The following GPR171 variants were observed in gnomAD, a reference collection of about 807,000 sequenced individuals.
GPR171 encodes F730001G15Rik.
In GPR171, 14 loss-of-function variants were observed where a neutral mutation model predicts 16.7. The ratio of observed to expected loss-of-function variants is 0.84; its 90% CI spans 0.55 to 1.31. The LOEUF (loss-of-function observed/expected upper bound fraction) is 1.31, where lower values mean the gene tolerates loss of function less well. Among genes scored for constraint, GPR171 ranks in the 40% most tolerant of loss-of-function variants. The pLI, the probability that GPR171 is intolerant of heterozygous loss-of-function variation, is 0.00. For synonymous variants in GPR171, 134 were observed against 135.6 expected (o/e 0.99, Z 0.08); for missense variants, 337 against 378.9 (o/e 0.89, Z 0.92).
chr3:151,198,619 A>G lies in GPR171; in HGVS notation c.768T>C (p.Asp256=), dbSNP rs1321283366. The change falls in exon 3 of 3, where the codon GAT becomes GAC. Residue 256 remains aspartate (D), a synonymous_variant. Coordinates refer to ENST00000309180, the MANE Select transcript of GPR171 (RefSeq NM_013308.4). ...TGAAGAGTGAAATCCTGGTTGAGCA[A>G]TCAGTTATGACTTCTGTCTGGCTGA... ...YTLSQTEVIT[D]CSTRISLFKA... 14 of 1,613,864 alleles carry G rather than the reference A, an allele frequency of 8.7e-6. No homozygotes were observed. The highest frequency in any genetic ancestry group is 5.5e-5 in the South Asian group (5 of 91,076).
At position 151,199,003 on chromosome 3, in the gene GPR171, G is replaced by A. The variant is rs769212562; in HGVS notation, c.384C>T (p.Pro128=). 36 of 1,613,898 alleles carry A rather than the reference G, an allele frequency of 2.2e-5. No homozygotes were observed. The highest frequency in any genetic ancestry group is 4.0e-5 in the African/African-American group (3 of 74,890). ...CGGTTGATATCATTTTGGCAAATCC[G>A]GGTTCTTGTATTCGGTAGATCTTGC... ...HSCKIYRIQE[P]GFAKMISTVV... The change falls in exon 3 of 3, where the codon CCC becomes CCT. Residue 128 remains proline (P), a synonymous_variant. Coordinates refer to ENST00000309180, the MANE Select transcript of GPR171 (RefSeq NM_013308.4).
intron 1 of GPR171, among the ~76,000 whole-genome samples, 159 bp downstream of exon 1, chr3:151,202,945 G>C (rs1725839985): frequency 6.6e-6 from 1 of 152,146 alleles, no homozygotes; most frequent in Non-Finnish European, 1.5e-5. Context: ...GAAAATTATA[G>C]TGTCATTCAC....
At position 151,198,509 on chromosome 3, in the gene GPR171, C is replaced by A. The variant is rs199881811; in HGVS notation, c.878G>T (p.Arg293Leu). ...ILYYHLSKAF[R>L]SKVTETFASP... Reference sequence around the variant, plus strand: ...GGCAAAAGTCTCAGTGACCTTTGAGCGGAATGCTTTTGAGAGGTGATAGTA... The same window carrying A: ...GGCAAAAGTCTCAGTGACCTTTGAGAGGAATGCTTTTGAGAGGTGATAGTA... Residue 293 changes from arginine to leucine, a missense_variant, in exon 3 of 3, where the codon CGC becomes CTC. By Grantham distance (102) the Arg-to-Leu change is moderately radical. Transcript: ENST00000309180. The A allele has an allele frequency of 6.2e-7, 1 of 1,613,284 alleles. No homozygotes were observed. Among genetic ancestry groups the A allele is most frequent in the Non-Finnish European group, 8.5e-7 (1 of 1,179,462 alleles).
In GPR171 at chr3:151,198,190, T is replaced by G. The variant is rs1270095489; in HGVS notation, c.*237A>C. On this transcript the variant is annotated 3_prime_UTR_variant, in exon 3 of 3. Coordinates refer to ENST00000309180, the MANE Select transcript of GPR171 (RefSeq NM_013308.4). ...ATTGCAGGATTTTACATTCGTTCAA[T>G]GAGACTCTTTAGTTTTTTGTACAAA... The G allele has an allele frequency of 2.7e-6, 1 of 365,672 alleles. No individual in the cohort carries two copies. Among genetic ancestry groups the G allele is most frequent in the African/African-American group, 2.1e-5 (1 of 48,138 alleles). The allele number at this position is 365,672 out of a possible 1,614,324, so 22.7% of individuals were successfully genotyped here.
At chr3:151,199,940 G>A (rs1361382542) in intron 2 of GPR171, among the ~76,000 whole-genome samples, 1 of 151,872 alleles carries the variant, frequency 6.6e-6, no homozygotes, top group Non-Finnish European at 1.5e-5. Flanking sequence ...TCTCCAGCCT[G>A]GTCGCAAGAG....
rs552956631 is a variant in GPR171 at position 151,202,595 on chromosome 3, G to A, written c.-143+509C>T. Among the ~76,000 whole-genome samples, 7 of 152,306 alleles carry A rather than the reference G, an allele frequency of 4.6e-5. No individual in the cohort carries two copies. The South Asian group carries it at 8.3e-4, about 18-fold the overall frequency. ...TGAGGCAGGAGAATTGTTTGAACCC[G>A]GGATGTGGAGGTTGAAGTGAGCTGA... On this transcript the variant is annotated intron_variant, in intron 1 of 2. Coordinates refer to ENST00000309180, the MANE Select transcript of GPR171 (RefSeq NM_013308.4).
rs1432339593 is a variant in GPR171, at chr3:151,198,411, C to CA, written c.*15dup. The CA allele has an allele frequency of 1.4e-5, 21 of 1,555,236 alleles. No individual in the cohort carries two copies. The highest frequency in any genetic ancestry group is 1.7e-5 in the Non-Finnish European group (20 of 1,143,798). ...TCCAGTAAGGCCAGAATTGGTAGCA[C>CA]AAAAAATCCTGTCTTTTATGCATTA... is the stretch of plus-strand genomic sequence containing the variant. On this transcript the variant is annotated 3_prime_UTR_variant, in exon 3 of 3. Transcript: ENST00000309180.
At chr3:151,201,221 A>ACT (rs199616990) in intron 1 of GPR171, among the ~76,000 whole-genome samples, 2 of 148,994 alleles carry the variant, frequency 1.3e-5, no homozygotes, top group African/African-American at 5.1e-5. Context: ...CCACGTGCAC[A>ACT]CACTCTCTCT....
Position 151,202,533 on chromosome 3 carries a change from G to C in GPR171, c.-143+571C>G, listed in dbSNP as rs537903711. ...TAAAAATACAAAAATTAGCCAACGC[G>C]GTGGCGGGCACCTGTAATCCCAGCT... On this transcript the variant is annotated intron_variant, in intron 1 of 2. Coordinates refer to ENST00000309180, the MANE Select transcript of GPR171 (RefSeq NM_013308.4). 3.9e-5 allele frequency among the ~76,000 whole-genome samples: 6 copies of C among 152,222 alleles called. No individual in the cohort carries two copies. The South Asian group carries it at 1.2e-3, about 32-fold the overall frequency.
At position 151,199,440 on chromosome 3, in the gene GPR171, CTG is replaced by C; in HGVS notation, c.-53-3_-53-2del. Reference sequence around the variant, plus strand: ...TTGAAAAGAAAAAATTTCTAAGACTCTGTAAAAGAAACAAGGAAAGGGAGGTT... The same window carrying C: ...TTGAAAAGAAAAAATTTCTAAGACTCTAAAAGAAACAAGGAAAGGGAGGTT... On this transcript the variant is annotated splice_acceptor_variant and splice_polypyrimidine_tract_variant and intron_variant, in intron 2 of 2. Transcript: ENST00000309180. LOFTEE classifies it low-confidence loss of function (5UTR_SPLICE). The C allele has an allele frequency of 2.7e-6, 4 of 1,477,516 alleles. No individual in the cohort carries two copies. The highest frequency in any genetic ancestry group is 2.2e-5 in the Admixed American group (1 of 45,026). The allele number at this position is 1,477,516 out of a possible 1,614,324, so 91.5% of individuals were successfully genotyped here. A position where few individuals can be genotyped will look rare whatever the true frequency, so the allele number is the denominator to read the frequency against.
At position 151,199,434 on chromosome 3, in the gene GPR171, A is replaced by G. The variant is rs139986654; in HGVS notation, c.-48T>C. 1.1e-3 allele frequency: 1,610 copies of G among 1,503,780 alleles called. 1 individual carries two copies. The highest frequency in any genetic ancestry group is 1.8e-3 in the Admixed American group (80 of 45,520). The allele number at this position is 1,503,780 out of a possible 1,614,324, so 93.2% of individuals were successfully genotyped here. ...TGCTTATTGAAAAGAAAAAATTTCT[A>G]AGACTCTGTAAAAGAAACAAGGAAA... On this transcript the variant is annotated 5_prime_UTR_variant, in exon 3 of 3. Coordinates refer to ENST00000309180, the MANE Select transcript of GPR171 (RefSeq NM_013308.4).
At chr3:151,201,698 G>A (rs1216523235) in intron 1 of GPR171, among the ~76,000 whole-genome samples, 1 of 152,218 alleles carries the variant, frequency 6.6e-6, no homozygotes, top group Non-Finnish European at 1.5e-5. Flanking sequence ...CTTTACCGAT[G>A]TCCTTGGCGA....
chr3:151,202,998 T>A (rs1344264191), intron 1 of GPR171, 106 bp downstream of exon 1: 1 of 152,176 alleles, frequency 6.6e-6, no homozygotes. Flanking sequence ...GCTTTTTTTT[T>A]ATACAGCTTG....
Position 151,199,415 on chromosome 3 carries a change from T to C in GPR171, c.-29A>G, listed in dbSNP as rs370773717. 5 of 1,551,004 alleles carry C rather than the reference T, an allele frequency of 3.2e-6. No homozygotes were observed. Among genetic ancestry groups the C allele is most frequent in the Admixed American group, 2.1e-5 (1 of 46,608 alleles). ...GAGGGAAAGTAAGGATGACTGCTTA[T>C]TGAAAAGAAAAAATTTCTAAGACTC... On this transcript the variant is annotated 5_prime_UTR_variant, in exon 3 of 3. Coordinates refer to ENST00000309180, the MANE Select transcript of GPR171 (RefSeq NM_013308.4).
At position 151,198,343 on chromosome 3, in the gene GPR171, T is replaced by G; in HGVS notation, c.*84A>C. On this transcript the variant is annotated 3_prime_UTR_variant, in exon 3 of 3. Coordinates refer to ENST00000309180, the MANE Select transcript of GPR171 (RefSeq NM_013308.4). ...TTTTTTCATACTGAGTTTTTTTTTG[T>G]TTTTTTTTTTTTTATCTTTCAAAGC... 1.2e-4 allele frequency: 54 copies of G among 464,626 alleles called. No homozygotes were observed. The highest frequency in any genetic ancestry group is 7.5e-4 in the Middle Eastern group (1 of 1,328). The allele number at this position is 464,626 out of a possible 1,614,324, so 28.8% of individuals were successfully genotyped here.
intron 2 of GPR171, among the ~76,000 whole-genome samples, chr3:151,200,094 C>T (rs896624162): frequency 6.6e-6 from 1 of 152,178 alleles, no homozygotes; most frequent in Admixed American, 6.5e-5. Context: ...GACTTCAACA[C>T]TTGAGTCGCT....
intron 2 of GPR171, among the ~76,000 whole-genome samples, chr3:151,200,000 C>A (rs1017646621): frequency 1.3e-5 from 2 of 152,104 alleles, no homozygotes; most frequent in African/African-American, 4.8e-5. Flanking sequence ...ACAAAAAAAC[C>A]CACAACTACC....
Position 151,200,959 on chromosome 3 carries a change from G to A in GPR171, c.-104C>T, listed in dbSNP as rs1725476514. On this transcript the variant is annotated 5_prime_UTR_variant, in exon 2 of 3. Transcript: ENST00000309180. The stretch of plus-strand genomic sequence containing the variant: ...TAAAGCCAGGATTCCAGCTCAGTCA[G>A]TCTGATCTCAGAATCACATTCAAAA... 1 of 152,132 alleles carries A rather than the reference G, an allele frequency of 6.6e-6. No individual in the cohort carries two copies. Among genetic ancestry groups the A allele is most frequent in the Non-Finnish European group, 1.5e-5 (1 of 68,036 alleles). The allele number at this position is 152,132 out of a possible 1,614,324, so 9.4% of individuals were successfully genotyped here. A position where few individuals can be genotyped will look rare whatever the true frequency, so the allele number is the denominator to read the frequency against.
intron 2 of GPR171, among the ~76,000 whole-genome samples, chr3:151,200,300 A>G (rs1725358242): frequency 6.6e-6 from 1 of 152,176 alleles, no homozygotes; most frequent in South Asian, 2.1e-4. Flanking sequence ...ATTCAAACTC[A>G]CATGCTTAGA....
Sources: gnomAD v4.1 joint callset for allele counts (sites outside exome capture counted in the v4.1 genomes callset) on GRCh38, gnomAD v4.1.1 for gene constraint, MANE v1.5 for transcripts, NCBI Gene and HGNC (gene_info 2026-07-23, HGNC 2026-07-21) for gene names.